Variants in ST6GAL1 observed in about 807,000 individuals in gnomAD.
ST6GAL1 encodes the protein ST6 beta-galactoside alpha-2,6-sialyltransferase 1.
A neutral mutation model predicts 38.0 loss-of-function variants in ST6GAL1; 20 were observed. The ratio of observed to expected loss-of-function variants is 0.53; its 90% confidence interval spans 0.37 to 0.77. ST6GAL1 has a LOEUF of 0.77. ST6GAL1 is among the 30% of genes least tolerant of loss of function. The probability of loss-of-function intolerance (pLI) is 0.00; values close to 1 mark genes in which losing one functional copy is unlikely to be tolerated. For synonymous variants in ST6GAL1, 196 were observed against 188.2 expected (o/e 1.04, Z -0.34); for missense variants, 432 against 496.4 (o/e 0.87, Z 1.23).
intron 2 of ST6GAL1, among the ~76,000 whole-genome samples, chr3:186,974,172 C>T (rs1265496310): frequency 2.6e-5 from 4 of 152,098 alleles, no homozygotes; most frequent in Non-Finnish European, 4.4e-5. Flanking sequence ...AGGATCAGTC[C>T]ACTTTATGCT....
At chr3:186,944,943 A>G (rs527478285) in intron 1 of ST6GAL1, among the ~76,000 whole-genome samples, 8 of 152,208 alleles carry the variant, frequency 5.3e-5, no homozygotes, top group Non-Finnish European at 1.0e-4. Flanking sequence ...AAAGCTTTCT[A>G]CTACTGAAAG....
At chr3:187,059,520 C>A (rs1195745974) in intron 5 of ST6GAL1, among the ~76,000 whole-genome samples, 2 of 152,184 alleles carry the variant, frequency 1.3e-5, no homozygotes, top group Non-Finnish European at 2.9e-5. Context: ...CAAATGTATT[C>A]AGTATTGAGT....
intron 3 of ST6GAL1, among the ~76,000 whole-genome samples, chr3:187,041,629 G>T (rs1210739203): frequency 6.6e-6 from 1 of 152,178 alleles, no homozygotes; most frequent in Non-Finnish European, 1.5e-5. Flanking sequence ...AAGGACATGG[G>T]TTATGGAATC....
At chr3:186,987,676 G>T (rs867225021) in intron 2 of ST6GAL1, among the ~76,000 whole-genome samples, 1 of 152,132 alleles carries the variant, frequency 6.6e-6, no homozygotes, top group Non-Finnish European at 1.5e-5. Flanking sequence ...AGAAACCTAG[G>T]GGGAGAGAAA....
chr3:186,995,806 T>G (rs911999766), intron 2 of ST6GAL1, among the ~76,000 whole-genome samples: 4 of 152,204 alleles, frequency 2.6e-5, no homozygotes, highest in African/African-American at 9.6e-5. Context: ...ATTGTGCCAC[T>G]GTGCTCCAGC....
intron 5 of ST6GAL1, among the ~76,000 whole-genome samples, chr3:187,053,874 A>T (rs943326366): frequency 6.6e-6 from 1 of 152,168 alleles, no homozygotes; most frequent in African/African-American, 2.4e-5. Context: ...CATTGAATCT[A>T]TAAATTACCT....
intron 2 of ST6GAL1, among the ~76,000 whole-genome samples, chr3:186,993,223 G>T (rs1251945623): frequency 6.6e-6 from 1 of 152,226 alleles, no homozygotes; most frequent in African/African-American, 2.4e-5. Flanking sequence ...GCACACTGCT[G>T]GTGGGCCCTG....
Position 187,077,136 on chromosome 3 carries a change from C to T in ST6GAL1, c.*1333C>T, listed in dbSNP as rs1719591078. 2.5e-6 allele frequency: 1 copy of T among 397,488 alleles called. No individual in the cohort carries two copies. Among genetic ancestry groups the T allele is most frequent in the South Asian group, 1.4e-4 (1 of 7,018 alleles). The allele number at this position is 397,488 out of a possible 1,614,324, so 24.6% of individuals were successfully genotyped here. ...AGAACCTTGGAGATCAGAACTGATTCTCACCAGGTGTGAGAGGTGTGGTAG... is the reference window on the plus strand; with the variant it reads ...AGAACCTTGGAGATCAGAACTGATTTTCACCAGGTGTGAGAGGTGTGGTAG... On this transcript the variant is annotated 3_prime_UTR_variant, in exon 8 of 8. Transcript: ENST00000169298.
At chr3:187,040,342 C>T (rs976132171) in intron 3 of ST6GAL1, among the ~76,000 whole-genome samples, 3 of 152,154 alleles carry the variant, frequency 2.0e-5, no homozygotes, top group Non-Finnish European at 2.9e-5. Flanking sequence ...GTCTGACAGA[C>T]GAAGTTGCCT....
intron 2 of ST6GAL1, among the ~76,000 whole-genome samples, chr3:187,019,559 A>G (rs1440997884): frequency 6.6e-6 from 1 of 152,218 alleles, no homozygotes; most frequent in African/African-American, 2.4e-5. Context: ...TGGCAGAAGG[A>G]GCAAACTTCT....
At chr3:187,063,474 G>T (rs943445603) in intron 5 of ST6GAL1, among the ~76,000 whole-genome samples, 2 of 152,192 alleles carry the variant, frequency 1.3e-5, no homozygotes, top group Admixed American at 1.3e-4. Flanking sequence ...AATGGAGTAG[G>T]ATTTCCAGGC....
chr3:186,944,120 C>A lies in ST6GAL1; in HGVS notation c.-325+13286C>A, dbSNP rs548351824. 3.9e-5 allele frequency among the ~76,000 whole-genome samples: 6 copies of A among 152,294 alleles called. No homozygotes were observed. In the East Asian group the frequency reaches 1.2e-3, roughly 29 times the overall value. ...CCTTTTTATCCAGCCAATCAGTAAT[C>A]CAGAAGTCTTCAAATAAAATCTTTA... On this transcript the variant is annotated intron_variant, in intron 1 of 7. Transcript: ENST00000169298.
chr3:187,072,448 G>A, intron 5 of ST6GAL1: 2 of 317,580 alleles, frequency 6.3e-6, no homozygotes, highest in Non-Finnish European at 1.2e-5. Flanking sequence ...TAGTGTACTG[G>A]ACTCTCTAGG....
chr3:187,061,053 A>AT (rs983040026), intron 5 of ST6GAL1, among the ~76,000 whole-genome samples: 31 of 152,304 alleles, frequency 2.0e-4, no homozygotes, highest in African/African-American at 7.2e-4. Flanking sequence ...AAAAATATTC[A>AT]TTTTTTCTAT....
intron 1 of ST6GAL1, among the ~76,000 whole-genome samples, chr3:186,960,677 T>C (rs1481104247): frequency 1.3e-5 from 2 of 152,182 alleles, no homozygotes; most frequent in Middle Eastern, 3.4e-3. Flanking sequence ...AAAAAAACTT[T>C]AGAATTTAAG....
At chr3:187,035,857 T>A (rs1717913272) in intron 2 of ST6GAL1, among the ~76,000 whole-genome samples, 1 of 151,788 alleles carries the variant, frequency 6.6e-6, no homozygotes, top group Admixed American at 6.6e-5. Flanking sequence ...AAAGGATTTA[T>A]GACAAAGTAC....
chr3:187,051,302 C>G lies in ST6GAL1; in HGVS notation c.661C>G (p.Gln221Glu). The G allele has an allele frequency of 6.2e-7, 1 of 1,614,162 alleles. No individual in the cohort carries two copies. Among genetic ancestry groups the G allele is most frequent in the Non-Finnish European group, 8.5e-7 (1 of 1,180,014 alleles). The stretch of plus-strand genomic sequence containing the variant: ...TGGGGCACCCACAGCCAACTTCCAA[C>G]AAGATGTGGGCACAAAAACTACCAT... ...FNGAPTANFQ[Q>E]DVGTKTTIRL... The change falls in exon 5 of 8, where the codon CAA becomes GAA. Residue 221 changes from glutamine to glutamate, a missense_variant. By Grantham distance (29) the Gln-to-Glu change is conservative (BLOSUM62 2). Coordinates refer to ENST00000169298, the MANE Select transcript of ST6GAL1 (RefSeq NM_173216.2).
At chr3:186,956,884 A>C (rs1043663376) in intron 1 of ST6GAL1, among the ~76,000 whole-genome samples, 1 of 152,230 alleles carries the variant, frequency 6.6e-6, no homozygotes, top group African/African-American at 2.4e-5. Flanking sequence ...AAATTAAAAG[A>C]GACAACAACA....
chr3:187,027,803 G>A (rs927917550), intron 2 of ST6GAL1, among the ~76,000 whole-genome samples: 9 of 152,126 alleles, frequency 5.9e-5, no homozygotes, highest in Non-Finnish European at 1.3e-4. Context: ...GAAAGGGCAG[G>A]TCTAGGGCAT....
Sources: gnomAD v4.1 joint callset for allele counts (sites outside exome capture counted in the v4.1 genomes callset) on GRCh38, gnomAD v4.1.1 for gene constraint, MANE v1.5 for transcripts, NCBI Gene and HGNC (gene_info 2026-07-23, HGNC 2026-07-21) for gene names.